Variants in SNX13 observed in about 807,000 individuals in gnomAD.
The protein encoded by SNX13 is sorting nexin 13, also known as sorting nexin-13.
A neutral mutation model predicts 133.6 loss-of-function variants in SNX13; 45 were observed. The ratio of observed to expected loss-of-function variants is 0.34; its 90% confidence interval spans 0.27 to 0.43. The LOEUF (loss-of-function observed/expected upper bound fraction) is 0.43, where lower values mean the gene tolerates loss of function less well. SNX13 is among the 20% of genes least tolerant of loss of function. The pLI, the probability that SNX13 is intolerant of heterozygous loss-of-function variation, is 1.00. For missense variants in SNX13, 1,032 were observed against 1,145.1 expected (o/e 0.90, Z 1.43); for synonymous variants, 414 against 373.9 (o/e 1.11, Z -1.24).
intron 1 of SNX13, among the ~76,000 whole-genome samples, chr7:17,912,829 A>G (rs1799137169): frequency 6.6e-6 from 1 of 152,260 alleles, no homozygotes; most frequent in Admixed American, 6.5e-5. Context: ...CTTGCCCTGG[A>G]GTGGGGAAAG....
intron 2 of SNX13, among the ~76,000 whole-genome samples, chr7:17,896,050 G>A (rs975408996): frequency 2.0e-5 from 3 of 152,196 alleles, no homozygotes; most frequent in African/African-American, 7.2e-5. Context: ...TCGACTCTGA[G>A]AGGGAGAGGT....
At chr7:17,863,357 C>T (rs1285172958) in intron 9 of SNX13, among the ~76,000 whole-genome samples, 1 of 152,066 alleles carries the variant, frequency 6.6e-6, no homozygotes, top group Non-Finnish European at 1.5e-5. Context: ...TGGTGGCCAG[C>T]AGAGTGTCTG....
In SNX13 at chr7:17,853,223, T is replaced by C. The variant is rs1791450940; in HGVS notation, c.838-2259A>G. On this transcript the variant is annotated intron_variant, in intron 9 of 25. Transcript: ENST00000428135. ...AAAAATAGGAATGTAGAAGCAGTTA[T>C]GTTGGATTTAACCAGTGTTGTGGTG... Among the ~76,000 whole-genome samples the C allele has an allele frequency of 2.6e-5, 4 of 152,198 alleles. No homozygotes were observed. The South Asian group carries it at 8.3e-4, about 31-fold the overall frequency.
Position 17,834,643 on chromosome 7 carries a change from C to T in SNX13, c.1464+118G>A, listed in dbSNP as rs938215217. 5 of 554,572 alleles carry T rather than the reference C, an allele frequency of 9.0e-6. No individual in the cohort carries two copies. The Admixed American group carries it at 1.1e-4, about 12-fold the overall frequency. The allele number at this position is 554,572 out of a possible 1,614,324, so 34.4% of individuals were successfully genotyped here. On this transcript the variant is annotated intron_variant, in intron 14 of 25. Coordinates refer to ENST00000428135, the MANE Select transcript of SNX13 (RefSeq NM_015132.5). ...TTCTGGAATTGAGAAGTATAATTGC[C>T]ATAGTTTATCTTTTTAATACCACTC... is the stretch of plus-strand genomic sequence containing the variant.
chr7:17,914,054 A>G (rs1370408012), intron 1 of SNX13, among the ~76,000 whole-genome samples: 4 of 152,078 alleles, frequency 2.6e-5, no homozygotes, highest in African/African-American at 9.7e-5. Context: ...AGAAAGAACC[A>G]AACAGAACGT....
At chr7:17,896,185 T>C (rs978269698) in intron 2 of SNX13, among the ~76,000 whole-genome samples, 3 of 152,214 alleles carry the variant, frequency 2.0e-5, no homozygotes, top group Non-Finnish European at 4.4e-5. Context: ...GTCATCTTTA[T>C]CATCAATAAA....
intron 11 of SNX13, among the ~76,000 whole-genome samples, chr7:17,849,237 C>T: frequency 6.6e-6 from 1 of 152,306 alleles, no homozygotes; most frequent in South Asian, 2.1e-4. Flanking sequence ...AACAGCACCA[C>T]TATTTATACA....
At chr7:17,863,032 AG>A (rs761025045) in intron 9 of SNX13, among the ~76,000 whole-genome samples, 1 of 152,104 alleles carries the variant, frequency 6.6e-6, no homozygotes, top group Non-Finnish European at 1.5e-5. Context: ...GGCTTGTGGG[AG>A]GAAGAGTGAA....
chr7:17,912,222 A>G (rs1054558938), intron 1 of SNX13, among the ~76,000 whole-genome samples: 3 of 152,160 alleles, frequency 2.0e-5, no homozygotes, highest in South Asian at 2.1e-4. Context: ...GCTCCAGTAC[A>G]TGAAAGGGAC....
chr7:17,871,028 G>A (rs1378270477), intron 8 of SNX13, among the ~76,000 whole-genome samples: 4 of 150,788 alleles, frequency 2.7e-5, no homozygotes, highest in South Asian at 4.2e-4. Flanking sequence ...TTTTTTGAGA[G>A]GGAGTCTGGC....
chr7:17,937,028 A>T (rs1451591006), intron 1 of SNX13, among the ~76,000 whole-genome samples: 3 of 150,888 alleles, frequency 2.0e-5, no homozygotes, highest in Non-Finnish European at 3.0e-5. Flanking sequence ...AATAAAAAAA[A>T]AAAAACTAGC....
intron 13 of SNX13, among the ~76,000 whole-genome samples, chr7:17,837,494 T>C (rs1046966711): frequency 2.0e-5 from 3 of 152,054 alleles, no homozygotes; most frequent in Non-Finnish European, 4.4e-5. Context: ...ATTTTACTTA[T>C]TAAAAACAGG....
intron 12 of SNX13, among the ~76,000 whole-genome samples, chr7:17,844,930 G>A (rs923164843): frequency 7.9e-5 from 12 of 151,958 alleles, no homozygotes; most frequent in Non-Finnish European, 1.8e-4. Context: ...ATCCCACAGT[G>A]AATAATATAC....
rs200380819 is a variant in SNX13, at chr7:17,860,158, G to GT, written c.837+8248dup. Among the ~76,000 whole-genome samples, 485 of 149,890 alleles carry GT rather than the reference G, an allele frequency of 3.2e-3. 13 individuals are homozygous for GT. The highest frequency in any genetic ancestry group is 0.026 in the Admixed American group (390 of 15,070). ...CATCCTCGCCAATACCTGATATTTT[G>GT]TTTTTTTTTCTTTTAATAGTGACCA... On this transcript the variant is annotated intron_variant, in intron 9 of 25. Coordinates refer to ENST00000428135, the MANE Select transcript of SNX13 (RefSeq NM_015132.5).
intron 5 of SNX13, chr7:17,881,020 G>A (rs762864964): frequency 1.3e-5 from 2 of 152,036 alleles, no homozygotes; most frequent in African/African-American, 2.4e-5. Context: ...TCACATTCAT[G>A]GCAGAATATT....
chr7:17,940,187 G>C, intron 1 of SNX13, 97 bp downstream of exon 1: 4 of 1,507,668 alleles, frequency 2.7e-6, no homozygotes, highest in Non-Finnish European at 3.6e-6. Flanking sequence ...ACGGCGAAGG[G>C]TCAGGCCCAC....
chr7:17,831,125 G>GT, intron 15 of SNX13: 1 of 984,320 alleles, frequency 1.0e-6, no homozygotes, highest in African/African-American at 1.7e-5. Flanking sequence ...GACAAGTCAA[G>GT]TTAAAGGAGA....
At chr7:17,883,232 T>C (rs1006761131) in intron 5 of SNX13, among the ~76,000 whole-genome samples, 5 of 151,980 alleles carry the variant, frequency 3.3e-5, no homozygotes, top group African/African-American at 4.8e-5. Context: ...TCTCAGAAAA[T>C]AGTAAAAAAT....
At chr7:17,804,344 C>G (rs534083177) in intron 20 of SNX13, among the ~76,000 whole-genome samples, 1 of 152,010 alleles carries the variant, frequency 6.6e-6, no homozygotes, top group South Asian at 2.1e-4. Context: ...AAACAGAAAA[C>G]TGAAATAACT....
Sources: gnomAD v4.1 joint callset for allele counts (sites outside exome capture counted in the v4.1 genomes callset) on GRCh38, gnomAD v4.1.1 for gene constraint, MANE v1.5 for transcripts, NCBI Gene and HGNC (gene_info 2026-07-23, HGNC 2026-07-21) for gene names.